RPL38: variants seen among roughly 807,000 people sequenced by gnomAD.
RPL38 encodes ribosomal protein L38.
RPL38 carries 2 observed loss-of-function variants against 12.8 expected under a neutral mutation model. That is an observed-to-expected ratio of 0.16 (90% CI 0.06 to 0.49). The LOEUF is 0.49. RPL38 is among the 20% of genes least tolerant of loss of function. RPL38 has a pLI of 0.96. For missense variants in RPL38, 52 were observed against 79.8 expected (o/e 0.65, Z 1.33); for synonymous variants, 42 against 30.1 (o/e 1.39, Z -1.29).
Position 74,210,174 on chromosome 17 carries a change from G to C in RPL38, c.*345G>C, listed in dbSNP as rs1195075566. 2 of 209,488 alleles carry C rather than the reference G, an allele frequency of 9.5e-6. No homozygotes were observed. Among genetic ancestry groups the C allele is most frequent in the East Asian group, 2.4e-4 (2 of 8,236 alleles). The allele number at this position is 209,488 out of a possible 1,614,324, so 13.0% of individuals were successfully genotyped here. ...GGCCAATTTTTGTATTTGTAGTAGAGACAGGGTTTCACTGCCTGCCTCAGC... is the reference window on the plus strand; with the variant it reads ...GGCCAATTTTTGTATTTGTAGTAGACACAGGGTTTCACTGCCTGCCTCAGC... On this transcript the variant is annotated 3_prime_UTR_variant, in exon 5 of 5. Transcript: ENST00000311111.
intron 3 of RPL38, among the ~76,000 whole-genome samples, chr17:74,206,806 A>G (rs2050119234): frequency 7.5e-6 from 1 of 132,872 alleles, no homozygotes; most frequent in African/African-American, 2.9e-5. Flanking sequence ...TCCGCCTCCC[A>G]GGTTCATGCC....
In RPL38 at chr17:74,203,921, C is replaced by T. The variant is rs373560489; in HGVS notation, c.-35C>T. On this transcript the variant is annotated 5_prime_UTR_variant, in exon 2 of 5. Transcript: ENST00000311111. Reference sequence around the variant, plus strand: ...CGCCGAGGACTGTTTCCCGCAGGTCCTGGTCCGCGCCAGAGCCCAGCGCGC... The same window carrying T: ...CGCCGAGGACTGTTTCCCGCAGGTCTTGGTCCGCGCCAGAGCCCAGCGCGC... 1.7e-5 allele frequency: 27 copies of T among 1,597,918 alleles called. No homozygotes were observed. The highest frequency in any genetic ancestry group is 1.1e-4 in the South Asian group (10 of 89,990).
At chr17:74,203,862 A>G (rs1476723344) in intron 1 of RPL38, 56 bp from the exon 2 acceptor site, 2 of 1,439,316 alleles carry the variant, frequency 1.4e-6, no homozygotes, top group Non-Finnish European at 1.9e-6. Context: ...GAGCGGGAAA[A>G]CGGGGTTCGC....
chr17:74,207,587 C>T (rs897975054), intron 3 of RPL38, among the ~76,000 whole-genome samples: 12 of 151,602 alleles, frequency 7.9e-5, no homozygotes, highest in African/African-American at 1.7e-4. Context: ...AGTACAGTGG[C>T]GGAATTTTGG....
rs1257111327 is a variant in RPL38, at chr17:74,203,940, A to G, written c.-16A>G. 6.2e-7 allele frequency: 1 copy of G among 1,605,566 alleles called. No individual in the cohort carries two copies. Among genetic ancestry groups the G allele is most frequent in the Non-Finnish European group, 8.5e-7 (1 of 1,174,206 alleles). Reference sequence around the variant, plus strand: ...CAGGTCCTGGTCCGCGCCAGAGCCCAGCGCGCCTCGTCGCCATGGTGAGTA... The same window carrying G: ...CAGGTCCTGGTCCGCGCCAGAGCCCGGCGCGCCTCGTCGCCATGGTGAGTA... On this transcript the variant is annotated 5_prime_UTR_variant, in exon 2 of 5. Transcript: ENST00000311111.
intron 3 of RPL38, chr17:74,206,427 G>GT (rs2050114381): frequency 6.6e-6 from 1 of 152,168 alleles, no homozygotes; most frequent in Non-Finnish European, 1.5e-5. Context: ...AAGCATAATT[G>GT]TACAGTTCAG....
chr17:74,204,740 C>T (rs556074938), intron 3 of RPL38: 3 of 152,370 alleles, frequency 2.0e-5, no homozygotes, highest in Admixed American at 6.5e-5. Flanking sequence ...CTGGCTCTGT[C>T]GCCCAGGCTG....
intron 4 of RPL38, 110 bp from the exon 5 acceptor site, chr17:74,209,694 C>A: frequency 1.1e-6 from 1 of 918,552 alleles, no homozygotes; most frequent in Non-Finnish European, 1.8e-6. Flanking sequence ...GCTGGTGGAT[C>A]TAATTTCTGA....
At chr17:74,205,671 A>T (rs574183534) in intron 3 of RPL38, 2 of 152,246 alleles carry the variant, frequency 1.3e-5, no homozygotes, top group Non-Finnish European at 2.9e-5. Flanking sequence ...CTCTACCTGC[A>T]GGTAACTTAC....
At position 74,203,710 on chromosome 17, in the gene RPL38, T is replaced by C; in HGVS notation, c.-74T>C. The C allele has an allele frequency of 1.9e-6, 1 of 519,312 alleles. No homozygotes were observed. The highest frequency in any genetic ancestry group is 5.2e-4 in the Middle Eastern group (1 of 1,936). The allele number at this position is 519,312 out of a possible 1,614,324, so 32.2% of individuals were successfully genotyped here. On this transcript the variant is annotated 5_prime_UTR_variant, in exon 1 of 5. Transcript: ENST00000311111. The stretch of plus-strand genomic sequence containing the variant: ...GTCCTTTTCCCCGGTTGCTGCTTGC[T>C]GTGAGTGTCTCTAGGGTGATACGTG...
chr17:74,204,068 T>G (rs771709980), intron 2 of RPL38, 62 bp from the exon 3 acceptor site: 1 of 1,610,702 alleles, frequency 6.2e-7, no homozygotes, highest in Admixed American at 1.7e-5. Context: ...GCTGGTGGAC[T>G]GGGCCATCGC....
chr17:74,204,422 G>T (rs567863059), intron 3 of RPL38: 2 of 553,924 alleles, frequency 3.6e-6, no homozygotes, highest in Non-Finnish European at 6.4e-6. Context: ...CTCAGAGGCC[G>T]CCCTGAGTTC....
chr17:74,207,573 C>G (rs1344584093), intron 3 of RPL38, among the ~76,000 whole-genome samples: 1 of 151,758 alleles, frequency 6.6e-6, no homozygotes, highest in African/African-American at 2.4e-5. Flanking sequence ...GTTGCCCAGG[C>G]TGGAGTACAG....
chr17:74,203,823 G>A (rs1329429025), intron 1 of RPL38, 78 bp downstream of exon 1: 2 of 1,140,292 alleles, frequency 1.8e-6, no homozygotes, highest in African/African-American at 3.1e-5. Context: ...AGGAGAAGGG[G>A]AGTGCGATGG....
intron 3 of RPL38, chr17:74,206,322 A>C (rs2050113237): frequency 6.6e-6 from 1 of 152,086 alleles, no homozygotes; most frequent in Admixed American, 6.5e-5. Context: ...TGGTGGTCCT[A>C]GCTACTCAGG....
chr17:74,204,139 A>C lies in RPL38; in HGVS notation c.13A>C (p.Ile5Leu). 1 of 1,614,142 alleles carries C rather than the reference A, an allele frequency of 6.2e-7. No homozygotes were observed. Among genetic ancestry groups the C allele is most frequent in the Non-Finnish European group, 8.5e-7 (1 of 1,180,004 alleles). Residue 5 changes from isoleucine (I) to leucine (L), a missense_variant, in exon 3 of 5, where the codon ATT becomes CTT. Coordinates refer to ENST00000311111, the MANE Select transcript of RPL38 (RefSeq NM_000999.4). Reference sequence around the variant, plus strand: ...TTCCTTTGTGTTGCAGCCTCGGAAAATTGAGGAAATCAAGGACTTCCTGCT... The same window carrying C: ...TTCCTTTGTGTTGCAGCCTCGGAAACTTGAGGAAATCAAGGACTTCCTGCT... MPRK[I>L]EEIKDFLLTA...
At chr17:74,204,280 G>A in intron 3 of RPL38, 90 bp downstream of exon 3, 2 of 1,193,194 alleles carry the variant, frequency 1.7e-6, no homozygotes, top group East Asian at 2.3e-5. Context: ...GGCAGGAGAC[G>A]GTTAGGCCGT....
intron 2 of RPL38, 66 bp downstream of exon 2, chr17:74,204,024 A>T (rs1195376684): frequency 1.9e-6 from 3 of 1,612,626 alleles, no homozygotes; most frequent in Admixed American, 3.3e-5. Context: ...CGAGGGCGAG[A>T]GAGCCTCCCA....
intron 1 of RPL38, 29 bp from the exon 2 acceptor site, chr17:74,203,889 G>A (rs2050083922): frequency 1.3e-6 from 2 of 1,552,452 alleles, no homozygotes; most frequent in Non-Finnish European, 1.7e-6. Flanking sequence ...CCCCCGCGCC[G>A]TGTTAACGCC....
Sources: allele counts gnomAD v4.1 joint callset (sites outside exome capture counted in the v4.1 genomes callset), GRCh38; gene constraint gnomAD v4.1.1; transcripts MANE v1.5; gene names NCBI Gene and HGNC (gene_info 2026-07-23, HGNC 2026-07-21).